The following RBM44 variants were observed in gnomAD, a reference collection of about 807,000 sequenced individuals.
The protein encoded by RBM44 is RNA-binding protein 44.
In RBM44, 66 loss-of-function variants were observed where a neutral mutation model predicts 105.1. The ratio of observed to expected loss-of-function variants is 0.63; its 90% CI spans 0.52 to 0.77. RBM44 has a LOEUF of 0.77. Ranked by LOEUF, RBM44 falls within the 30% of genes least tolerant of loss-of-function variation. The probability of loss-of-function intolerance (pLI) is 0.00; values close to 1 mark genes in which losing one functional copy is unlikely to be tolerated. For synonymous variants in RBM44, 365 were observed against 417.6 expected (o/e 0.87, Z 1.54); for missense variants, 1,122 against 1,207.8 (o/e 0.93, Z 1.05).
At chr2:237,838,376 T>C (rs776618211) in intron 15 of RBM44, among the ~76,000 whole-genome samples, 4 of 152,104 alleles carry the variant, frequency 2.6e-5, no homozygotes, top group African/African-American at 9.7e-5. Flanking sequence ...GAAGCCCTAC[T>C]CTAAAGAAAA....
chr2:237,827,355 T>C, intron 11 of RBM44, 26 bp downstream of exon 11: 1 of 1,493,244 alleles, frequency 6.7e-7, no homozygotes, highest in Non-Finnish European at 9.2e-7. Context: ...TTTTTTGAGC[T>C]TCATTTTCAA....
chr2:237,820,207 AT>A lies in RBM44; in HGVS notation c.1772del (p.Leu591CysfsTer9). ...EFQLFKDTEK[D>X]LPSMCCQKIM... ...CAACTTTTTAAAGATACAGAGAAGG[AT>A]TTGCCATCAATGTGCTGTCAGAAGA... On this transcript the variant is annotated frameshift_variant, in exon 5 of 16. Coordinates refer to ENST00000316997, the MANE Select transcript of RBM44 (RefSeq NM_001080504.3). LOFTEE classifies it high-confidence loss of function. 6.4e-7 allele frequency: 1 copy of A among 1,564,058 alleles called. No individual in the cohort carries two copies. The highest frequency in any genetic ancestry group is 8.7e-7 in the Non-Finnish European group (1 of 1,154,898).
chr2:237,826,689 C>A (rs2061851402), intron 10 of RBM44, among the ~76,000 whole-genome samples: 1 of 152,062 alleles, frequency 6.6e-6, no homozygotes, highest in South Asian at 2.1e-4. Context: ...GAACCAAAGA[C>A]AAAGACAATC....
Position 237,821,173 on chromosome 2 carries a change from C to CA in RBM44, c.2019dup (p.Gly674ArgfsTer41), listed in dbSNP as rs762938572. 7 of 1,610,878 alleles carry CA rather than the reference C, an allele frequency of 4.3e-6. No individual in the cohort carries two copies. The highest frequency in any genetic ancestry group is 5.1e-6 in the Non-Finnish European group (6 of 1,178,496). The stretch of plus-strand genomic sequence containing the variant: ...ATGTGACTTTGAAAGAAAAAATACA[C>CA]AAAGGCATACCACTGGAAGAGCTGC... On this transcript the variant is annotated frameshift_variant, in exon 6 of 16. Coordinates refer to ENST00000316997, the MANE Select transcript of RBM44 (RefSeq NM_001080504.3). LOFTEE classifies it high-confidence loss of function.
chr2:237,808,481 G>GAA (rs61185065), intron 1 of RBM44, among the ~76,000 whole-genome samples: 3,766 of 125,320 alleles, frequency 0.03, 59 homozygotes, highest in Middle Eastern at 0.1. Flanking sequence ...AAGCATAACA[G>GAA]AAAAAAAAAA....
rs34666443 is a variant in RBM44, at chr2:237,840,187, CAAAAAAA to C, written c.*23-1635_*23-1629del. On this transcript the variant is annotated intron_variant, in intron 15 of 15. Transcript: ENST00000316997. Reference sequence around the variant, plus strand: ...TGGGTGATAGAGCAAGACTCTATCTCAAAAAAAAAAAAAAAAAAAAAAAGGGCACACG... The same window carrying C: ...TGGGTGATAGAGCAAGACTCTATCTCAAAAAAAAAAAAAAAAGGGCACACG... Among the ~76,000 whole-genome samples the C allele has an allele frequency of 6.2e-5, 4 of 64,906 alleles. No homozygotes were observed. In the East Asian group the frequency reaches 1.4e-3, roughly 24 times the overall value. The allele number at this position is 64,906 out of a possible 152,430, so 42.6% of individuals were successfully genotyped here. A position where few individuals can be genotyped will look rare whatever the true frequency, so the allele number is the denominator to read the frequency against.
chr2:237,825,461 C>A lies in RBM44; in HGVS notation c.2449+1042C>A, dbSNP rs569317697. 1.2e-4 allele frequency among the ~76,000 whole-genome samples: 18 copies of A among 152,334 alleles called. No homozygotes were observed. The South Asian group carries it at 3.7e-3, about 32-fold the overall frequency. The stretch of plus-strand genomic sequence containing the variant: ...TCTCAAGTGATCCACCCACCTCAGC[C>A]TCCTGAAGTGCTGGGATTAGAGGCG... On this transcript the variant is annotated intron_variant, in intron 10 of 15. Transcript: ENST00000316997.
In RBM44 at chr2:237,821,147, T is replaced by C; in HGVS notation, c.1990T>C (p.Tyr664His). ...TCTTTTGGGGGACTTAAAAGTTAGA[T>C]ATGTGACTTTGAAAGAAAAAATACA... ...LSLLGDLKVR[Y>H]VTLKEKIHKG... The change falls in exon 6 of 16, where the codon TAT becomes CAT. Residue 664 changes from tyrosine to histidine, a missense_variant. This residue lies in a region of RBM44 where 918 missense variants were observed against 955.3 expected (regional missense o/e 0.96). Coordinates refer to ENST00000316997, the MANE Select transcript of RBM44 (RefSeq NM_001080504.3). The C allele has an allele frequency of 4.3e-6, 7 of 1,611,372 alleles. No individual in the cohort carries two copies. Among genetic ancestry groups the C allele is most frequent in the Non-Finnish European group, 5.1e-6 (6 of 1,178,628 alleles).
chr2:237,808,464 C>G (rs910801116), intron 1 of RBM44, among the ~76,000 whole-genome samples: 16 of 149,460 alleles, frequency 1.1e-4, no homozygotes, highest in Admixed American at 9.3e-4. Context: ...CCCTCTCCCC[C>G]CAAAAAAAGC....
chr2:237,824,583 G>T (rs1182115193), intron 10 of RBM44, among the ~76,000 whole-genome samples, 164 bp downstream of exon 10: 1 of 152,104 alleles, frequency 6.6e-6, no homozygotes, highest in African/African-American at 2.4e-5. Flanking sequence ...TCAGTTGGAG[G>T]TCAGTTTTTT....
In RBM44 at chr2:237,829,338, A is replaced by G; in HGVS notation, c.2722A>G (p.Thr908Ala). 1 of 1,613,616 alleles carries G rather than the reference A, an allele frequency of 6.2e-7. No homozygotes were observed. Among genetic ancestry groups the G allele is most frequent in the South Asian group, 1.1e-5 (1 of 91,074 alleles). ...VWPVKILGEY[T>A]SPLSSKNGNR... ...GCCTGTTAAAATTCTTGGAGAATAT[A>G]CATCACCACTTTCCTCCAAAAATGG... The change falls in exon 13 of 16, where the codon ACA (threonine) becomes GCA (alanine). Residue 908 changes from threonine (T) to alanine (A), a missense_variant. This residue lies in a region of RBM44 where 194 missense variants were observed against 225.5 expected (regional missense o/e 0.86). Transcript: ENST00000316997.
intron 15 of RBM44, among the ~76,000 whole-genome samples, chr2:237,839,514 C>T (rs978208946): frequency 2.2e-5 from 3 of 137,426 alleles, no homozygotes; most frequent in Non-Finnish European, 4.9e-5. Context: ...TGTGATCCGC[C>T]CGCCTTGGCC....
intron 1 of RBM44, among the ~76,000 whole-genome samples, chr2:237,811,418 G>A (rs1379289884): frequency 1.3e-5 from 2 of 152,038 alleles, no homozygotes; most frequent in African/African-American, 4.8e-5. Context: ...ACAGGGGCAA[G>A]CCACCATGCC....
At chr2:237,821,669 A>G in intron 7 of RBM44, 74 bp from the exon 8 acceptor site, 1 of 1,028,640 alleles carries the variant, frequency 9.7e-7, no homozygotes, top group Non-Finnish European at 1.5e-6. Context: ...TGAAATATAC[A>G]TTGTAGTTAA....
intron 13 of RBM44, among the ~76,000 whole-genome samples, chr2:237,832,220 C>T (rs2061911355): frequency 6.6e-6 from 1 of 151,084 alleles, no homozygotes; most frequent in Non-Finnish European, 1.5e-5. Flanking sequence ...AGTGGCACAA[C>T]CACAGCTCAC....
intron 15 of RBM44, among the ~76,000 whole-genome samples, chr2:237,836,126 G>A (rs2061956965): frequency 6.6e-6 from 1 of 152,100 alleles, no homozygotes; most frequent in Admixed American, 6.5e-5. Context: ...TCAAAGGACA[G>A]GCACGCTCTC....
At chr2:237,815,410 A>C (rs1390333690) in intron 2 of RBM44, among the ~76,000 whole-genome samples, 1 of 152,030 alleles carries the variant, frequency 6.6e-6, no homozygotes, top group Non-Finnish European at 1.5e-5. Flanking sequence ...TCTACCTTCT[A>C]ATCTGCTCTT....
chr2:237,835,901 A>T (rs963030550), intron 15 of RBM44, among the ~76,000 whole-genome samples: 10 of 151,994 alleles, frequency 6.6e-5, no homozygotes, highest in Admixed American at 6.6e-4. Flanking sequence ...CCAATGTATC[A>T]TTCTAAGAAG....
intron 13 of RBM44, among the ~76,000 whole-genome samples, chr2:237,830,581 T>C (rs904290377): frequency 1.3e-5 from 2 of 152,158 alleles, no homozygotes; most frequent in Admixed American, 1.3e-4. Context: ...GTTTCAGGTA[T>C]TTGTTGAGGT....
Sources: gnomAD v4.1 joint callset for allele counts (sites outside exome capture counted in the v4.1 genomes callset) on GRCh38, gnomAD v4.1.1 for gene constraint, gnomAD v4.1.1 regional missense constraint, MANE v1.5 for transcripts, NCBI Gene and HGNC (gene_info 2026-07-23, HGNC 2026-07-21) for gene names.